The following SPTBN1 variants were observed in gnomAD, a reference collection of about 807,000 sequenced individuals.
The protein encoded by SPTBN1 is spectrin beta chain, non-erythrocytic 1.
SPTBN1 carries 32 observed loss-of-function variants against 266.4 expected under a neutral mutation model. The ratio of observed to expected loss-of-function variants is 0.12; its 90% CI spans 0.09 to 0.16. The LOEUF (loss-of-function observed/expected upper bound fraction) is 0.16, where lower values mean the gene tolerates loss of function less well. SPTBN1 is among the 10% of genes least tolerant of loss of function. SPTBN1 has a pLI of 1.00. For synonymous variants in SPTBN1, 1,336 were observed against 1,162.2 expected (o/e 1.15, Z -3.04); for missense variants, 2,296 against 3,067.1 (o/e 0.75, Z 5.94).
chr2:54,584,549 T>C (rs1337066930), intron 2 of SPTBN1, among the ~76,000 whole-genome samples: 1 of 152,204 alleles, frequency 6.6e-6, no homozygotes, highest in African/African-American at 2.4e-5. Flanking sequence ...AAATGTTGTA[T>C]AGAATAGGGT....
chr2:54,607,291 T>TTA (rs1676908820), intron 3 of SPTBN1, among the ~76,000 whole-genome samples: 1 of 152,256 alleles, frequency 6.6e-6, no homozygotes, highest in African/African-American at 2.4e-5. Flanking sequence ...TACATACCAT[T>TTA]TATATTGTAT....
At position 54,665,949 on chromosome 2, in the gene SPTBN1, C is replaced by G. The variant is rs200682565; in HGVS notation, c.6694C>G (p.Gln2232Glu). The G allele has an allele frequency of 2.5e-6, 4 of 1,613,918 alleles. No homozygotes were observed. Among genetic ancestry groups the G allele is most frequent in the Middle Eastern group, 1.6e-4 (1 of 6,062 alleles). ...CAATGTTTATTGTGTCATAAATAAC[C>G]AAGAAATGGGTTTCTACAAAGATGC... ...WHNVYCVINN[Q>E]EMGFYKDAKT... Residue 2232 changes from glutamine to glutamate, a missense_variant, in exon 34 of 36, where the codon CAA becomes GAA. Transcript: ENST00000356805.
intron 7 of SPTBN1, among the ~76,000 whole-genome samples, chr2:54,618,599 C>T (rs1416898238): frequency 1.3e-5 from 2 of 152,198 alleles, no homozygotes; most frequent in Non-Finnish European, 2.9e-5. Flanking sequence ...TTCTTAGCAG[C>T]TGTGCTCGAA....
Position 54,647,210 on chromosome 2 carries a change from A to G in SPTBN1, c.4946A>G (p.His1649Arg). ...QAVEDYAETVHQLSKTSRALV... is the reference protein window; with the variant it reads ...QAVEDYAETVRQLSKTSRALV... ...GTGGAGGACTATGCAGAGACCGTGCATCAGCTCTCCAAGACCAGCCGGGCC... is the reference window on the plus strand; with the variant it reads ...GTGGAGGACTATGCAGAGACCGTGCGTCAGCTCTCCAAGACCAGCCGGGCC... Residue 1649 changes from histidine to arginine, a missense_variant, in exon 24 of 36, where the codon CAT (histidine) becomes CGT (arginine). Coordinates refer to ENST00000356805, the MANE Select transcript of SPTBN1 (RefSeq NM_003128.3). 6.2e-7 allele frequency: 1 copy of G among 1,614,162 alleles called. No homozygotes were observed. Among genetic ancestry groups the G allele is most frequent in the Non-Finnish European group, 8.5e-7 (1 of 1,180,038 alleles).
chr2:54,637,103 G>A (rs758477649), intron 17 of SPTBN1, among the ~76,000 whole-genome samples: 10 of 152,254 alleles, frequency 6.6e-5, no homozygotes, highest in Admixed American at 2.0e-4. Context: ...GCTCTTTCCA[G>A]TTCTTACAAG....
intron 2 of SPTBN1, among the ~76,000 whole-genome samples, chr2:54,562,507 G>C (rs1673370714): frequency 7.9e-6 from 1 of 126,360 alleles, no homozygotes; most frequent in Non-Finnish European, 1.7e-5. Context: ...TTCATCTATA[G>C]AAATGCTTAC....
At chr2:54,583,955 A>C (rs1675115780) in intron 2 of SPTBN1, among the ~76,000 whole-genome samples, 1 of 152,258 alleles carries the variant, frequency 6.6e-6, no homozygotes, top group Non-Finnish European at 1.5e-5. Flanking sequence ...GTGCTCCTAA[A>C]AAAACAAAAA....
At chr2:54,666,203 A>G in intron 34 of SPTBN1, 115 bp downstream of exon 34, 6 of 1,141,656 alleles carry the variant, frequency 5.3e-6, no homozygotes, top group Non-Finnish European at 7.3e-6. Flanking sequence ...CTGCCATTTT[A>G]AATCCCCAAT....
Position 54,664,702 on chromosome 2 carries a change from C to G in SPTBN1, c.6659+11C>G, listed in dbSNP as rs567343164. ...GAAAGCCTCAAGCAGGTAACAGCAGCAGAGGCTGCCACAGTAAGATGGGAA... is the reference window on the plus strand; with the variant it reads ...GAAAGCCTCAAGCAGGTAACAGCAGGAGAGGCTGCCACAGTAAGATGGGAA... On this transcript the variant is annotated intron_variant, in intron 33 of 35. Transcript: ENST00000356805. The surrounding 1 kb of genome is among the most constrained non-coding windows in gnomAD (Gnocchi z 5.6). The G allele has an allele frequency of 4.7e-5, 76 of 1,612,364 alleles. No individual in the cohort carries two copies. The highest frequency in any genetic ancestry group is 3.7e-4 in the South Asian group (34 of 91,058).
chr2:54,655,765 A>G, intron 28 of SPTBN1, 149 bp from the exon 29 acceptor site: 2 of 571,214 alleles, frequency 3.5e-6, no homozygotes, highest in Non-Finnish European at 6.2e-6. Context: ...TTCCTCTCCC[A>G]GTCCTCAGAC....
At chr2:54,593,822 A>C (rs1182489131) in intron 2 of SPTBN1, among the ~76,000 whole-genome samples, 21 of 69,904 alleles carry the variant, frequency 3.0e-4, no homozygotes, top group South Asian at 1.0e-3. Flanking sequence ...TCATGGAAAC[A>C]CTTTTTTTTT....
chr2:54,525,778 A>G (rs1182365147), intron 1 of SPTBN1, among the ~76,000 whole-genome samples: 2 of 152,082 alleles, frequency 1.3e-5, no homozygotes, highest in African/African-American at 2.4e-5. Flanking sequence ...TTGCCCAGGC[A>G]AGAGTGCAAT....
chr2:54,660,881 T>C, intron 32 of SPTBN1: 1 of 985,452 alleles, frequency 1.0e-6, no homozygotes, highest in Non-Finnish European at 1.2e-6. Flanking sequence ...GTTCTCAGCA[T>C]GTTTTAGAAG....
chr2:54,506,894 CT>C (rs779582626), intron 1 of SPTBN1, among the ~76,000 whole-genome samples: 52 of 133,452 alleles, frequency 3.9e-4, no homozygotes, highest in East Asian at 2.3e-3. Context: ...GGTTCTCTCT[CT>C]TTTTTTTTTT....
chr2:54,493,417 G>GGGGGGGA (rs1370587328), intron 1 of SPTBN1, among the ~76,000 whole-genome samples: 2 of 149,754 alleles, frequency 1.3e-5, no homozygotes, highest in Non-Finnish European at 3.0e-5. Context: ...TTTTTTGGGG[G>GGGGGGGA]GTTGGGGGAG....
intron 1 of SPTBN1, among the ~76,000 whole-genome samples, chr2:54,509,950 T>C (rs1028382890): frequency 1.0e-4 from 10 of 95,244 alleles, no homozygotes. Flanking sequence ...GTTCCTTGCT[T>C]TCTTTCTTTT....
At chr2:54,598,212 C>T (rs1165885248) in intron 2 of SPTBN1, among the ~76,000 whole-genome samples, 1 of 152,152 alleles carries the variant, frequency 6.6e-6, no homozygotes, top group Non-Finnish European at 1.5e-5. Context: ...TTTGAAAAAC[C>T]TTTAACACTG....
chr2:54,629,918 A>G lies in SPTBN1; in HGVS notation c.2696A>G (p.Asn899Ser). The G allele has an allele frequency of 6.2e-7, 1 of 1,614,098 alleles. No homozygotes were observed. The highest frequency in any genetic ancestry group is 8.5e-7 in the Non-Finnish European group (1 of 1,180,038). ...TTTGAGAGCCTAGAACCAGAAATGA[A>G]CAACCAGGCTTCCCGGGTTGCAGTG... is the stretch of plus-strand genomic sequence containing the variant. ...HRFESLEPEM[N>S]NQASRVAVVN... The change falls in exon 15 of 36, where the codon AAC becomes AGC. Residue 899 changes from asparagine to serine, a missense_variant. Asn to Ser is a conservative substitution (Grantham distance 46). This residue lies in a region of SPTBN1 where 434 missense variants were observed against 573.9 expected (regional missense o/e 0.76). Coordinates refer to ENST00000356805, the MANE Select transcript of SPTBN1 (RefSeq NM_003128.3).
intron 2 of SPTBN1, among the ~76,000 whole-genome samples, chr2:54,571,258 C>T (rs1674045328): frequency 6.6e-6 from 1 of 152,106 alleles, no homozygotes. Flanking sequence ...ACACATGGGC[C>T]GTGGATTTGC....
Sources: allele counts gnomAD v4.1 joint callset (sites outside exome capture counted in the v4.1 genomes callset), GRCh38; gene constraint gnomAD v4.1.1; regional missense constraint gnomAD v4.1.1; non-coding constraint Gnocchi (gnomAD v3.1); transcripts MANE v1.5; gene names NCBI Gene and HGNC (gene_info 2026-07-23, HGNC 2026-07-21).